Variants in NTM observed in about 807,000 individuals in gnomAD.
NTM encodes neurotrimin, also known as IgLON family member 2.
Under a neutral mutation model 42.1 loss-of-function variants are expected in NTM, and 13 were observed. The observed-to-expected ratio is 0.31, with a 90% CI of 0.20 to 0.49. NTM has a LOEUF of 0.49. NTM is among the 20% of genes least tolerant of loss of function. NTM has a pLI of 0.99. For synonymous variants in NTM, 187 were observed against 179.2 expected (o/e 1.04, Z -0.35); for missense variants, 373 against 452.8 (o/e 0.82, Z 1.60).
intron 4 of NTM, among the ~76,000 whole-genome samples, chr11:132,229,430 A>G (rs2017055): frequency 0.48 from 73,102 of 152,038 alleles, 17,954 homozygotes; most frequent in Middle Eastern, 0.59. Context: ...AGATGAATCA[A>G]TCTAGTTACT....
intron 1 of NTM, among the ~76,000 whole-genome samples, chr11:131,890,595 T>C (rs1404108556): frequency 6.6e-6 from 1 of 152,170 alleles, no homozygotes; most frequent in Non-Finnish European, 1.5e-5. Context: ...ATTGATTTTC[T>C]GGGTTTTTTT....
At chr11:132,202,588 C>G (rs2081324654) in intron 3 of NTM, among the ~76,000 whole-genome samples, 1 of 152,264 alleles carries the variant, frequency 6.6e-6, no homozygotes, top group South Asian at 2.1e-4. Context: ...TTAGTAATTT[C>G]TTAGATGTGA....
At chr11:131,725,677 G>A (rs1270309623) in intron 1 of NTM, among the ~76,000 whole-genome samples, 1 of 152,156 alleles carries the variant, frequency 6.6e-6, no homozygotes, top group East Asian at 1.9e-4. Context: ...GGAAAACGGG[G>A]AAGCAATGCA....
intron 1 of NTM, among the ~76,000 whole-genome samples, chr11:131,733,539 G>GT (rs1418656164): frequency 9.6e-6 from 1 of 103,994 alleles, no homozygotes; most frequent in Non-Finnish European, 2.0e-5. Flanking sequence ...TTCTTTCGTT[G>GT]TTTTTTGATG....
chr11:132,152,767 G>A (rs1052181825), intron 3 of NTM, among the ~76,000 whole-genome samples: 1 of 152,206 alleles, frequency 6.6e-6, no homozygotes, highest in African/African-American at 2.4e-5. Flanking sequence ...CTCACCTGAG[G>A]TATCGTCTGT....
chr11:131,849,075 T>C (rs565297012), intron 1 of NTM, among the ~76,000 whole-genome samples: 1 of 152,216 alleles, frequency 6.6e-6, no homozygotes, highest in Middle Eastern at 3.4e-3. Flanking sequence ...CTCATTACCG[T>C]TAGGATTTTT....
intron 1 of NTM, among the ~76,000 whole-genome samples, chr11:131,509,111 C>T (rs2047909501): frequency 6.6e-6 from 1 of 152,036 alleles, no homozygotes. Flanking sequence ...TTTTTAAACC[C>T]CATTTGTCCC....
At chr11:131,415,705 G>A (rs1946873074) in intron 1 of NTM, among the ~76,000 whole-genome samples, 1 of 152,150 alleles carries the variant, frequency 6.6e-6, no homozygotes, top group Admixed American at 6.5e-5. Context: ...ATGTGGGGGT[G>A]AGGCCCAGAA....
chr11:132,182,710 C>A (rs1467536471), intron 3 of NTM, among the ~76,000 whole-genome samples: 1 of 152,174 alleles, frequency 6.6e-6, no homozygotes, highest in African/African-American at 2.4e-5. Context: ...TCTTTCCAAG[C>A]AAATCTGCTT....
chr11:132,215,130 GAGA>G (rs1397931185), intron 4 of NTM, among the ~76,000 whole-genome samples: 1 of 152,172 alleles, frequency 6.6e-6, no homozygotes, highest in Non-Finnish European at 1.5e-5. Flanking sequence ...GTGTTCCTTG[GAGA>G]AGAAGATCTG....
chr11:131,944,090 G>A (rs993137568), intron 2 of NTM, among the ~76,000 whole-genome samples: 2 of 151,976 alleles, frequency 1.3e-5, no homozygotes, highest in African/African-American at 2.4e-5. Context: ...CTTAGAAAAC[G>A]GCTAGTAATT....
chr11:131,502,858 G>A (rs1001403287), intron 1 of NTM: 10 of 152,292 alleles, frequency 6.6e-5, no homozygotes, highest in African/African-American at 2.2e-4. Context: ...GCAGGGTGGA[G>A]GACGAGAGAC....
intron 1 of NTM, among the ~76,000 whole-genome samples, chr11:131,576,528 C>G (rs2057949785): frequency 6.6e-6 from 1 of 152,212 alleles, no homozygotes; most frequent in Non-Finnish European, 1.5e-5. Flanking sequence ...TCAATGTTCT[C>G]TCAACTAGAC....
At chr11:131,426,915 A>G (rs1260856023) in intron 1 of NTM, among the ~76,000 whole-genome samples, 1 of 151,904 alleles carries the variant, frequency 6.6e-6, no homozygotes, top group Non-Finnish European at 1.5e-5. Context: ...CCAGCCTTAG[A>G]TCTCCCTCTT....
intron 1 of NTM, among the ~76,000 whole-genome samples, chr11:131,866,375 G>A (rs1433031732): frequency 1.3e-5 from 2 of 152,250 alleles, no homozygotes; most frequent in Non-Finnish European, 2.9e-5. Flanking sequence ...TTTGCAGCCC[G>A]AGGCCTATTT....
intron 1 of NTM, among the ~76,000 whole-genome samples, chr11:131,680,438 A>G (rs1200838161): frequency 7.7e-6 from 1 of 130,142 alleles, no homozygotes; most frequent in Non-Finnish European, 1.6e-5. Context: ...TCTGTGTGTG[A>G]GATCATATCT....
intron 8 of NTM, among the ~76,000 whole-genome samples, chr11:132,333,626 AT>A (rs994400504): frequency 5.9e-5 from 9 of 152,082 alleles, no homozygotes; most frequent in African/African-American, 2.2e-4. Flanking sequence ...TTTCTCCTTA[AT>A]GCAGGGTAGA....
chr11:131,569,140 G>A (rs1324697833), intron 1 of NTM, among the ~76,000 whole-genome samples: 2 of 145,324 alleles, frequency 1.4e-5, no homozygotes, highest in Non-Finnish European at 1.5e-5. Context: ...TTTTGTTTTC[G>A]TTTTCATTTT....
chr11:132,090,587 C>T (rs999743312), intron 2 of NTM, among the ~76,000 whole-genome samples: 1 of 152,084 alleles, frequency 6.6e-6, no homozygotes, highest in Non-Finnish European at 1.5e-5. Context: ...TCACTAAATC[C>T]TTCCCAGCTT....
Sources: gnomAD v4.1 joint callset for allele counts (sites outside exome capture counted in the v4.1 genomes callset) on GRCh38, gnomAD v4.1.1 for gene constraint, MANE v1.5 for transcripts, NCBI Gene and HGNC (gene_info 2026-07-23, HGNC 2026-07-21) for gene names.